The following AUH variants were observed in gnomAD, a reference collection of about 807,000 sequenced individuals.
AUH encodes the protein methylglutaconyl-CoA hydratase, mitochondrial.
Under a neutral mutation model 42.3 loss-of-function variants are expected in AUH, and 29 were observed. That is an observed-to-expected ratio of 0.69 (90% CI 0.51 to 0.93). The LOEUF (loss-of-function observed/expected upper bound fraction) is 0.93. AUH is among the 40% of genes least tolerant of loss of function. The probability of loss-of-function intolerance (pLI) is 0.00; values close to 1 mark genes in which losing one functional copy is unlikely to be tolerated. For missense variants in AUH, 452 were observed against 438.1 expected (o/e 1.03, Z -0.28); for synonymous variants, 174 against 166.4 (o/e 1.05, Z -0.35).
intron 6 of AUH, among the ~76,000 whole-genome samples, chr9:91,248,503 CTG>C (rs1299215261): frequency 6.6e-6 from 1 of 152,128 alleles, no homozygotes; most frequent in African/African-American, 2.4e-5. Flanking sequence ...CAAAGGAAGC[CTG>C]TGGGAAGCGG....
chr9:91,314,130 G>A (rs565763564), intron 4 of AUH, among the ~76,000 whole-genome samples: 1 of 151,974 alleles, frequency 6.6e-6, no homozygotes, highest in Non-Finnish European at 1.5e-5. Context: ...GCCCATAAAC[G>A]CATTTTGTTA....
chr9:91,336,994 A>G (rs1830744184), intron 3 of AUH, among the ~76,000 whole-genome samples: 1 of 152,144 alleles, frequency 6.6e-6, no homozygotes, highest in Admixed American at 6.5e-5. Context: ...CCTTCTTATC[A>G]CCTTTGTATA....
chr9:91,320,780 A>G (rs535670114), intron 4 of AUH, among the ~76,000 whole-genome samples: 54 of 152,204 alleles, frequency 3.5e-4, no homozygotes, highest in Non-Finnish European at 7.3e-4. Context: ...CACGTGACCC[A>G]TATCTTTAAA....
chr9:91,348,169 T>C lies in AUH; in HGVS notation c.418+7714A>G, dbSNP rs148332404. Among the ~76,000 whole-genome samples, 38 of 151,924 alleles carry C rather than the reference T, an allele frequency of 2.5e-4. No individual in the cohort carries two copies. The East Asian group carries it at 4.5e-3, about 18-fold the overall frequency. ...AATAAACAAGTCATCAAAACAGATA[T>C]ACAGGTGACACATATGAAATGTAAA... is the stretch of plus-strand genomic sequence containing the variant. On this transcript the variant is annotated intron_variant, in intron 3 of 9. Coordinates refer to ENST00000375731, the MANE Select transcript of AUH (RefSeq NM_001698.3).
chr9:91,298,623 A>G (rs1316368635), intron 4 of AUH, among the ~76,000 whole-genome samples: 1 of 152,206 alleles, frequency 6.6e-6, no homozygotes, highest in African/African-American at 2.4e-5. Context: ...GAGCTGGAAA[A>G]CAATCAGGCT....
At chr9:91,325,886 G>C (rs2131864499) in intron 3 of AUH, among the ~76,000 whole-genome samples, 1 of 152,300 alleles carries the variant, frequency 6.6e-6, no homozygotes, top group Middle Eastern at 3.4e-3. Flanking sequence ...CCAGTAAAAA[G>C]GGCAGATTAC....
At chr9:91,230,382 C>T (rs1239501326) in intron 6 of AUH, among the ~76,000 whole-genome samples, 4 of 151,652 alleles carry the variant, frequency 2.6e-5, no homozygotes, top group Admixed American at 6.6e-5. Context: ...ACGTAGTTCT[C>T]GAGCCTTGGT....
intron 4 of AUH, among the ~76,000 whole-genome samples, chr9:91,324,011 A>G (rs1829788234): frequency 6.6e-6 from 1 of 152,220 alleles, no homozygotes; most frequent in South Asian, 2.1e-4. Context: ...TTCAAGGAAA[A>G]AGAATAATAA....
intron 6 of AUH, among the ~76,000 whole-genome samples, chr9:91,238,858 C>T (rs1828337895): frequency 6.6e-6 from 1 of 152,184 alleles, no homozygotes; most frequent in Non-Finnish European, 1.5e-5. Context: ...TTCCCTGCTG[C>T]CTCTTGGGAG....
At chr9:91,222,963 T>G (rs974734189) in intron 6 of AUH, among the ~76,000 whole-genome samples, 2 of 152,196 alleles carry the variant, frequency 1.3e-5, no homozygotes, top group Non-Finnish European at 2.9e-5. Flanking sequence ...GTTCCACTTA[T>G]AGCATGATCC....
intron 3 of AUH, among the ~76,000 whole-genome samples, chr9:91,330,857 C>T (rs769980846): frequency 3.9e-5 from 6 of 151,974 alleles, no homozygotes; most frequent in East Asian, 3.8e-4. Flanking sequence ...TAGTATTTGG[C>T]GATAAAAGTC....
At chr9:91,318,994 A>G (rs533909414) in intron 4 of AUH, among the ~76,000 whole-genome samples, 52 of 152,372 alleles carry the variant, frequency 3.4e-4, no homozygotes, top group African/African-American at 1.1e-3. Flanking sequence ...ATTCCAGCCC[A>G]TGATTTCTTC....
chr9:91,280,329 C>A (rs1033223396), intron 6 of AUH, among the ~76,000 whole-genome samples: 2 of 152,096 alleles, frequency 1.3e-5, no homozygotes, highest in Admixed American at 1.3e-4. Flanking sequence ...CAAAAATAAA[C>A]ACTATAGAAT....
intron 7 of AUH, among the ~76,000 whole-genome samples, chr9:91,219,904 C>G (rs1209024676): frequency 3.9e-5 from 6 of 152,170 alleles, no homozygotes; most frequent in Non-Finnish European, 8.8e-5. Flanking sequence ...CCAAAAAGAT[C>G]CACAGCCCAC....
intron 4 of AUH, chr9:91,306,493 C>A (rs1390457973): frequency 2.2e-6 from 1 of 446,070 alleles, no homozygotes; most frequent in Non-Finnish European, 3.0e-6. Context: ...AAAACCTCAC[C>A]ATTATTGCCT....
chr9:91,259,809 T>G (rs77403089), intron 6 of AUH, among the ~76,000 whole-genome samples: 6,464 of 152,204 alleles, frequency 0.042, 212 homozygotes, highest in Non-Finnish European at 0.058. Context: ...TATGTCAGTT[T>G]TTTAAATTTG....
At chr9:91,326,809 C>A (rs925255729) in intron 3 of AUH, among the ~76,000 whole-genome samples, 3 of 152,078 alleles carry the variant, frequency 2.0e-5, no homozygotes, top group Non-Finnish European at 4.4e-5. Context: ...TGATACATGT[C>A]TTTGTAATTA....
chr9:91,248,893 C>A (rs966321576), intron 6 of AUH, among the ~76,000 whole-genome samples: 1 of 152,154 alleles, frequency 6.6e-6, no homozygotes, highest in Non-Finnish European at 1.5e-5. Flanking sequence ...AGCAGGCTAG[C>A]ACAATGGCAT....
chr9:91,257,853 A>T (rs955502237), intron 6 of AUH, among the ~76,000 whole-genome samples: 2 of 152,218 alleles, frequency 1.3e-5, no homozygotes, highest in Non-Finnish European at 2.9e-5. Flanking sequence ...GTTCAAAGAG[A>T]AAGGACATCT....
Sources: gnomAD v4.1 joint callset for allele counts (sites outside exome capture counted in the v4.1 genomes callset) on GRCh38, gnomAD v4.1.1 for gene constraint, MANE v1.5 for transcripts, NCBI Gene and HGNC (gene_info 2026-07-23, HGNC 2026-07-21) for gene names.